Variants in RCAN2 observed in about 807,000 individuals in gnomAD.
The protein encoded by RCAN2 is regulator of calcineurin 2.
RCAN2 carries 9 observed loss-of-function variants against 23.6 expected under a neutral mutation model. That is an observed-to-expected ratio of 0.38 (90% confidence interval 0.23 to 0.67). RCAN2 has a LOEUF of 0.67. Ranked by LOEUF, RCAN2 falls within the 30% of genes least tolerant of loss-of-function variation. RCAN2 has a pLI of 0.51. For synonymous variants in RCAN2, 109 were observed against 115.7 expected (o/e 0.94, Z 0.37); for missense variants, 273 against 302.3 (o/e 0.90, Z 0.72).
At chr6:46,458,912 A>G (rs1768133141) in intron 1 of RCAN2, among the ~76,000 whole-genome samples, 1 of 151,500 alleles carries the variant, frequency 6.6e-6, no homozygotes, top group East Asian at 1.9e-4. Context: ...TGTGTGTGTG[A>G]TGGAGTTTTG....
chr6:46,223,195 C>A lies in RCAN2; in HGVS notation c.678G>T (p.Lys226Asn). ...EEEEDPKTSP[K>N]PKIIQTRRPG... is the part of the protein sequence containing the mutation. ...GACGCCGAGTTTGGATGATTTTTGG[C>A]TTTGGGGAAGTCTTTGGGTCCTCTT... The change falls in exon 5 of 5, where the codon AAG (lysine) becomes AAT (asparagine). Residue 226 changes from lysine to asparagine, a missense_variant. Coordinates refer to ENST00000371374, the MANE Select transcript of RCAN2 (RefSeq NM_001251974.2). The A allele has an allele frequency of 6.2e-7, 1 of 1,613,914 alleles. No homozygotes were observed. Among genetic ancestry groups the A allele is most frequent in the East Asian group, 2.2e-5 (1 of 44,878 alleles).
At chr6:46,304,521 C>A (rs932084202) in intron 2 of RCAN2, among the ~76,000 whole-genome samples, 1 of 152,080 alleles carries the variant, frequency 6.6e-6, no homozygotes, top group Non-Finnish European at 1.5e-5. Flanking sequence ...TATCTTTAAA[C>A]TCAGGAAGCT....
At chr6:46,282,943 A>G (rs571618606) in intron 2 of RCAN2, among the ~76,000 whole-genome samples, 1 of 152,322 alleles carries the variant, frequency 6.6e-6, no homozygotes, top group South Asian at 2.1e-4. Flanking sequence ...CTAAACTTTC[A>G]TTCCAGAAGT....
In RCAN2 at chr6:46,241,478, T is replaced by C. The variant is rs368125753; in HGVS notation, c.571+5270A>G. Among the ~76,000 whole-genome samples the C allele has an allele frequency of 7.2e-5, 11 of 152,308 alleles. No homozygotes were observed. The South Asian group carries it at 8.3e-4, about 11-fold the overall frequency. ...GCAAATTTTGATCTGCACGTCCTGC[T>C]GGACACAAGAAAAAAGCATGAAATG... On this transcript the variant is annotated intron_variant, in intron 4 of 4. Coordinates refer to ENST00000371374, the MANE Select transcript of RCAN2 (RefSeq NM_001251974.2).
chr6:46,265,031 G>A (rs907288980), intron 2 of RCAN2, among the ~76,000 whole-genome samples: 2 of 152,144 alleles, frequency 1.3e-5, no homozygotes, highest in African/African-American at 4.8e-5. Flanking sequence ...GGTCGATATG[G>A]CTTCACCCCT....
rs147368469 is a variant in RCAN2, at chr6:46,223,551, G to A, written c.572-250C>T. On this transcript the variant is annotated intron_variant, in intron 4 of 4. Transcript: ENST00000371374. The stretch of plus-strand genomic sequence containing the variant: ...CCTCTTAGCCTCCACATCCTTTACC[G>A]TAAATTTCAACATGGTAATACTTCC... Among the ~76,000 whole-genome samples, 941 of 152,248 alleles carry A rather than the reference G, an allele frequency of 6.2e-3. 8 individuals carry two copies. The highest frequency in any genetic ancestry group is 0.02 in the African/African-American group (826 of 41,538).
chr6:46,406,030 G>A (rs971073074), intron 2 of RCAN2, among the ~76,000 whole-genome samples: 1 of 152,222 alleles, frequency 6.6e-6, no homozygotes, highest in Admixed American at 6.5e-5. Context: ...CTCACTGCCC[G>A]GGGCAGCAGG....
intron 2 of RCAN2, among the ~76,000 whole-genome samples, chr6:46,332,727 G>T (rs572800468): frequency 7.5e-4 from 114 of 152,128 alleles, no homozygotes; most frequent in African/African-American, 2.7e-3. Flanking sequence ...ATTTGGGTTG[G>T]TTCCAAGTCT....
At chr6:46,290,216 C>T (rs185472392) in intron 2 of RCAN2, among the ~76,000 whole-genome samples, 169 of 152,196 alleles carry the variant, frequency 1.1e-3, no homozygotes, top group Non-Finnish European at 2.1e-3. Context: ...TGCCCCAATA[C>T]AGGATTTTAT....
intron 2 of RCAN2, among the ~76,000 whole-genome samples, chr6:46,413,620 T>C (rs1455503386): frequency 1.3e-5 from 2 of 152,204 alleles, no homozygotes; most frequent in Non-Finnish European, 2.9e-5. Flanking sequence ...ATATAAGATT[T>C]ACTATGGGTT....
intron 2 of RCAN2, among the ~76,000 whole-genome samples, chr6:46,365,662 A>G (rs563070871): frequency 6.6e-6 from 1 of 152,330 alleles, no homozygotes; most frequent in Non-Finnish European, 1.5e-5. Context: ...CTATTTCCTT[A>G]TCTAAGCATT....
chr6:46,380,487 A>G (rs778725808), intron 2 of RCAN2, among the ~76,000 whole-genome samples: 4 of 152,218 alleles, frequency 2.6e-5, no homozygotes, highest in Admixed American at 6.5e-5. Flanking sequence ...GACAGGCAGC[A>G]TCAGGAACAC....
intron 2 of RCAN2, among the ~76,000 whole-genome samples, chr6:46,328,728 A>G (rs1049007689): frequency 6.6e-6 from 1 of 152,172 alleles, no homozygotes; most frequent in Non-Finnish European, 1.5e-5. Context: ...CTCCTGCCTC[A>G]GCTTCCCTAG....
intron 2 of RCAN2, among the ~76,000 whole-genome samples, chr6:46,257,345 T>G (rs1766952476): frequency 6.6e-6 from 1 of 152,218 alleles, no homozygotes; most frequent in South Asian, 2.1e-4. Flanking sequence ...GAGCAAGAAT[T>G]GGAATTTTTG....
intron 1 of RCAN2, among the ~76,000 whole-genome samples, chr6:46,486,146 A>G (rs1041854098): frequency 5.9e-5 from 9 of 152,124 alleles, no homozygotes; most frequent in Admixed American, 3.3e-4. Context: ...TAAAGTGGGG[A>G]GATAAGGTAT....
chr6:46,227,063 G>C (rs1368743705), intron 4 of RCAN2, among the ~76,000 whole-genome samples: 3 of 152,076 alleles, frequency 2.0e-5, no homozygotes, highest in South Asian at 2.1e-4. Flanking sequence ...TTTTGTCTTT[G>C]GTTCTATTTA....
At chr6:46,337,731 G>A (rs532674606) in intron 2 of RCAN2, among the ~76,000 whole-genome samples, 4 of 152,144 alleles carry the variant, frequency 2.6e-5, no homozygotes, top group African/African-American at 7.2e-5. Context: ...TGAAGTTATC[G>A]CAAGGTGCTG....
chr6:46,336,930 G>A (rs1180318715), intron 2 of RCAN2, among the ~76,000 whole-genome samples: 1 of 133,534 alleles, frequency 7.5e-6, no homozygotes, highest in East Asian at 2.3e-4. Flanking sequence ...GATAAAGTGA[G>A]GAGAAAAACA....
intron 2 of RCAN2, among the ~76,000 whole-genome samples, chr6:46,334,042 G>T (rs1561863470): frequency 6.6e-6 from 1 of 152,086 alleles, no homozygotes; most frequent in Non-Finnish European, 1.5e-5. Context: ...TTTGCGCTTG[G>T]CCATCCCTCT....
Sources: gnomAD v4.1 joint callset for allele counts (sites outside exome capture counted in the v4.1 genomes callset) on GRCh38, gnomAD v4.1.1 for gene constraint, MANE v1.5 for transcripts, NCBI Gene and HGNC (gene_info 2026-07-23, HGNC 2026-07-21) for gene names.